HS2ST1: variants seen among roughly 807,000 people sequenced by gnomAD.
HS2ST1 encodes the protein 2-O-sulfotransferase.
Under a neutral mutation model 42.9 loss-of-function variants are expected in HS2ST1, and 18 were observed. The observed-to-expected ratio is 0.42, with a 90% CI of 0.29 to 0.62. The LOEUF (loss-of-function observed/expected upper bound fraction) is 0.62, where lower values mean the gene tolerates loss of function less well. Among genes scored for constraint, HS2ST1 ranks in the 20% least tolerant of loss-of-function variants. The pLI is 0.21. For missense variants in HS2ST1, 334 were observed against 433.8 expected (o/e 0.77, Z 2.04); for synonymous variants, 146 against 152.9 (o/e 0.95, Z 0.33).
intron 1 of HS2ST1, among the ~76,000 whole-genome samples, chr1:87,040,341 T>G (rs779727922): frequency 6.6e-6 from 1 of 152,168 alleles, no homozygotes; most frequent in African/African-American, 2.4e-5. Flanking sequence ...TTGCTTGATA[T>G]AGGACCTGTA....
intron 1 of HS2ST1, 68 bp from the exon 2 acceptor site, chr1:87,072,866 A>C (rs1651451796): frequency 9.3e-7 from 1 of 1,073,578 alleles, no homozygotes; most frequent in Non-Finnish European, 1.4e-6. Flanking sequence ...TCATGGTCCA[A>C]AGTTCAGTGT....
rs539794769 is a variant in HS2ST1 at position 86,914,818 on chromosome 1, T to A, written c.-219T>A. 1.7e-6 allele frequency: 1 copy of A among 578,456 alleles called. No homozygotes were observed. Among genetic ancestry groups the A allele is most frequent in the African/African-American group, 2.0e-5 (1 of 51,108 alleles). The allele number at this position is 578,456 out of a possible 1,614,324, so 35.8% of individuals were successfully genotyped here. On this transcript the variant is annotated 5_prime_UTR_variant, in exon 1 of 7. Coordinates refer to ENST00000370550, the MANE Select transcript of HS2ST1 (RefSeq NM_012262.4). ...CGGGCTTTTGGAGGGGGCGGCCGTT[T>A]AGTCGGCTGAGGAGAAGCGGACACC...
At chr1:86,924,617 G>C (rs187348124) in intron 1 of HS2ST1, among the ~76,000 whole-genome samples, 10 of 152,284 alleles carry the variant, frequency 6.6e-5, no homozygotes, top group Admixed American at 6.5e-4. Flanking sequence ...AACACCATGT[G>C]GAAGCTGCCA....
chr1:87,001,889 A>G (rs1164314679), intron 1 of HS2ST1, among the ~76,000 whole-genome samples: 2 of 151,556 alleles, frequency 1.3e-5, no homozygotes, highest in African/African-American at 4.8e-5. Flanking sequence ...CTGGGATTAC[A>G]GGTGTGAGCC....
At chr1:87,015,293 G>A (rs1341033901) in intron 1 of HS2ST1, among the ~76,000 whole-genome samples, 4 of 149,464 alleles carry the variant, frequency 2.7e-5, no homozygotes, top group South Asian at 2.1e-4. Context: ...TGATCTGCTC[G>A]CCTTGGCCTC....
chr1:86,970,767 T>TG lies in HS2ST1; in HGVS notation c.124+55609dup, dbSNP rs529912446. On this transcript the variant is annotated intron_variant, in intron 1 of 6. Coordinates refer to ENST00000370550, the MANE Select transcript of HS2ST1 (RefSeq NM_012262.4). ...ATTTAAAGTTATTTTGGTTCACACA[T>TG]GGCCTTTGTTTATTATTTATGAGAA... 1.8e-3 allele frequency among the ~76,000 whole-genome samples: 272 copies of TG among 152,318 alleles called. 4 individuals are homozygous for TG. Among genetic ancestry groups the TG allele is most frequent in the Non-Finnish European group, 2.2e-3 (153 of 68,026 alleles).
At chr1:86,943,035 T>A (rs1660796708) in intron 1 of HS2ST1, among the ~76,000 whole-genome samples, 1 of 152,184 alleles carries the variant, frequency 6.6e-6, no homozygotes, top group Admixed American at 6.5e-5. Context: ...TCTTTCAGCT[T>A]TAAAATATTA....
chr1:86,928,548 A>G (rs563836179), intron 1 of HS2ST1, among the ~76,000 whole-genome samples: 2 of 151,860 alleles, frequency 1.3e-5, no homozygotes, highest in South Asian at 2.1e-4. Flanking sequence ...CAACACACCC[A>G]CCTCTTATTA....
At chr1:86,962,757 GA>G (rs1382535505) in intron 1 of HS2ST1, among the ~76,000 whole-genome samples, 2 of 152,074 alleles carry the variant, frequency 1.3e-5, no homozygotes, top group African/African-American at 4.8e-5. Context: ...TGTACAATAA[GA>G]TTTTTTTTTC....
chr1:86,944,755 T>C (rs573094006), intron 1 of HS2ST1, among the ~76,000 whole-genome samples: 7 of 152,270 alleles, frequency 4.6e-5, no homozygotes, highest in African/African-American at 1.7e-4. Context: ...GTGTGCCTTT[T>C]TCTCTACTAA....
At chr1:86,948,532 G>A (rs1001534109) in intron 1 of HS2ST1, among the ~76,000 whole-genome samples, 1 of 152,112 alleles carries the variant, frequency 6.6e-6, no homozygotes, top group Non-Finnish European at 1.5e-5. Flanking sequence ...ATTTAACCAG[G>A]CCTCTTTTAC....
intron 1 of HS2ST1, among the ~76,000 whole-genome samples, chr1:86,973,037 C>T (rs1324801641): frequency 6.6e-6 from 1 of 152,154 alleles, no homozygotes; most frequent in Non-Finnish European, 1.5e-5. Flanking sequence ...TGTATGTCTT[C>T]TTTACTGGTG....
chr1:86,917,496 G>A (rs537793392), intron 1 of HS2ST1, among the ~76,000 whole-genome samples: 65 of 149,908 alleles, frequency 4.3e-4, no homozygotes, highest in African/African-American at 1.5e-3. Flanking sequence ...TCCAGCCTGG[G>A]CAATAGAGTG....
intron 1 of HS2ST1, among the ~76,000 whole-genome samples, chr1:87,026,785 T>TA (rs1006571754): frequency 6.6e-6 from 1 of 151,680 alleles, no homozygotes; most frequent in African/African-American, 2.4e-5. Flanking sequence ...ATTACCAGCT[T>TA]AAAAAAAGAA....
chr1:86,963,934 C>T (rs1338384534), intron 1 of HS2ST1, among the ~76,000 whole-genome samples: 1 of 150,824 alleles, frequency 6.6e-6, no homozygotes, highest in Non-Finnish European at 1.5e-5. Context: ...GGCTGCTGGG[C>T]GGAGACGCTC....
rs1261002163 is a variant in HS2ST1 at position 86,914,745 on chromosome 1, A to C, written c.-292A>C. 4.7e-6 allele frequency: 2 copies of C among 425,326 alleles called. No individual in the cohort carries two copies. The highest frequency in any genetic ancestry group is 4.2e-5 in the Admixed American group (1 of 23,852). 26.3% of individuals were successfully genotyped at this position (425,326 alleles called of 1,614,324 possible). A position where few individuals can be genotyped will look rare whatever the true frequency, so the allele number is the denominator to read the frequency against. ...GGGCGCGGGGGTCGGGGACTGAGGC[A>C]GTAGAGGGAGGCGAGAGCCCGGCAG... On this transcript the variant is annotated 5_prime_UTR_variant, in exon 1 of 7. Transcript: ENST00000370550.
intron 1 of HS2ST1, among the ~76,000 whole-genome samples, chr1:86,918,831 G>A (rs1356737507): frequency 6.6e-6 from 1 of 151,304 alleles, no homozygotes; most frequent in African/African-American, 2.4e-5. Context: ...TAGGTAGGTT[G>A]AACATCTTTA....
chr1:87,054,284 A>G (rs890545397), intron 1 of HS2ST1, among the ~76,000 whole-genome samples: 9 of 152,128 alleles, frequency 5.9e-5, no homozygotes, highest in African/African-American at 2.2e-4. Context: ...AAACTCTTCT[A>G]GAGATATCTC....
At chr1:87,001,991 C>G (rs1649301685) in intron 1 of HS2ST1, among the ~76,000 whole-genome samples, 2 of 151,036 alleles carry the variant, frequency 1.3e-5, no homozygotes, top group African/African-American at 2.4e-5. Flanking sequence ...CGGCTCACTG[C>G]AAGATCCGCC....
Sources: allele counts gnomAD v4.1 joint callset (sites outside exome capture counted in the v4.1 genomes callset), GRCh38; gene constraint gnomAD v4.1.1; transcripts MANE v1.5; gene names NCBI Gene and HGNC (gene_info 2026-07-23, HGNC 2026-07-21).